The following COG1 variants were observed in gnomAD, a reference collection of about 807,000 sequenced individuals.
COG1 encodes the protein component of oligomeric golgi complex 1.
In COG1, 61 loss-of-function variants were observed where a neutral mutation model predicts 102.2. That is an observed-to-expected ratio of 0.60 (90% CI 0.49 to 0.74). COG1 has a LOEUF of 0.74. Among genes scored for constraint, COG1 ranks in the 30% least tolerant of loss-of-function variants. COG1 has a pLI of 0.00. For synonymous variants in COG1, 454 were observed against 493.6 expected (o/e 0.92, Z 1.06); for missense variants, 1,164 against 1,232.1 (o/e 0.94, Z 0.83).
At chr17:73,200,538 G>A (rs1310319609) in intron 5 of COG1, 28 bp from the exon 6 acceptor site, 8 of 1,589,608 alleles carry the variant, frequency 5.0e-6, no homozygotes, top group Admixed American at 1.7e-5. Flanking sequence ...GCCTCTGATG[G>A]AGCCCAAAGA....
chr17:73,206,682 C>A, intron 11 of COG1, 26 bp from the exon 12 acceptor site: 6 of 1,303,184 alleles, frequency 4.6e-6, no homozygotes, highest in South Asian at 1.2e-5. Context: ...CACAATGAAA[C>A]CTCTGCTCCA....
intron 4 of COG1, 103 bp downstream of exon 4, chr17:73,197,499 A>AG (rs2061330410): frequency 8.0e-7 from 1 of 1,250,988 alleles, no homozygotes; most frequent in Non-Finnish European, 1.1e-6. Flanking sequence ...GGGATGGAGC[A>AG]GTGAACTGGA....
Position 73,201,566 on chromosome 17 carries a change from A to G in COG1, c.1739A>G (p.His580Arg), listed in dbSNP as rs749012833. ...LRTQSVACIK[H>R]IVDCIRAELQ... ...ACTCAGTCCGTGGCATGCATCAAGCACATCGTGGACTGCATCCGGGCAGAG... is the reference window on the plus strand; with the variant it reads ...ACTCAGTCCGTGGCATGCATCAAGCGCATCGTGGACTGCATCCGGGCAGAG... The change falls in exon 7 of 14, where the codon CAC becomes CGC. Residue 580 changes from histidine (H) to arginine (R), a missense_variant. Transcript: ENST00000299886. 6.2e-7 allele frequency: 1 copy of G among 1,614,244 alleles called. No homozygotes were observed.
At chr17:73,202,958 G>A in intron 7 of COG1, 42 bp from the exon 8 acceptor site, 1 of 1,609,036 alleles carries the variant, frequency 6.2e-7, no homozygotes, top group Non-Finnish European at 8.5e-7. Flanking sequence ...ACTCTACAGA[G>A]GATCTGAGTG....
In COG1 at chr17:73,201,514, G is replaced by A; in HGVS notation, c.1687G>A (p.Ala563Thr). The A allele has an allele frequency of 1.2e-6, 2 of 1,614,266 alleles. No individual in the cohort carries two copies. Among genetic ancestry groups the A allele is most frequent in the South Asian group, 1.1e-5 (1 of 91,090 alleles). The change falls in exon 7 of 14, where the codon GCG becomes ACG. Residue 563 changes from alanine (A) to threonine (T), a missense_variant. Ala to Thr is a moderately conservative substitution (Grantham distance 58, BLOSUM62 0). Transcript: ENST00000299886. The part of the protein sequence containing the change: ...KSSAFDRYAD[A>T]GTVQEMLRTQ... Reference sequence around the variant, plus strand: ...TTCTGCCTTTGACAGATACGCAGATGCGGGGACCGTGCAGGAGATGCTGCG... The same window carrying A: ...TTCTGCCTTTGACAGATACGCAGATACGGGGACCGTGCAGGAGATGCTGCG...
At chr17:73,203,523 G>C (rs1271177388) in intron 8 of COG1, 109 bp from the exon 9 acceptor site, 1 of 1,318,246 alleles carries the variant, frequency 7.6e-7, no homozygotes, top group African/African-American at 1.4e-5. Context: ...GTTGCTGAGA[G>C]GGGTCAAAGT....
At chr17:73,204,501 T>G (rs1482752136) in intron 9 of COG1, among the ~76,000 whole-genome samples, 1 of 152,052 alleles carries the variant, frequency 6.6e-6, no homozygotes, top group Non-Finnish European at 1.5e-5. Context: ...CACACTGCTT[T>G]CACTGTCTAG....
rs567138668 is a variant in COG1 at position 73,193,141 on chromosome 17, G to T, written c.72G>T (p.Thr24=). Residue 24 remains threonine (T), a synonymous_variant, in exon 1 of 14, where the codon ACG becomes ACT. Coordinates refer to ENST00000299886, the MANE Select transcript of COG1 (RefSeq NM_018714.3). The part of the protein sequence containing the change: ...DLRDPAALFE[T]HGAEEIRGLE... ...GCGACCCTGCGGCTCTTTTCGAGAC[G>T]CATGGAGCGGAGGAGATCCGCGGGC... The T allele has an allele frequency of 3.7e-6, 6 of 1,610,058 alleles. No individual in the cohort carries two copies. In the African/African-American group the frequency reaches 6.7e-5, roughly 18 times the overall value.
intron 5 of COG1, 77 bp downstream of exon 5, chr17:73,200,098 A>C: frequency 1.3e-6 from 2 of 1,511,092 alleles, no homozygotes. Context: ...TACAAGGGTC[A>C]GCGAGGCATG....
intron 13 of COG1, 76 bp from the exon 14 acceptor site, chr17:73,208,238 T>G: frequency 6.2e-7 from 1 of 1,607,512 alleles, no homozygotes; most frequent in Non-Finnish European, 8.5e-7. Flanking sequence ...GGACTCCGAG[T>G]GGCGTCGCGC....
At chr17:73,207,738 G>A in intron 13 of COG1, 1 of 1,291,748 alleles carries the variant, frequency 7.7e-7, no homozygotes, top group Non-Finnish European at 1.0e-6. Flanking sequence ...GAATCCTCCT[G>A]GGTATTTCTG....
intron 4 of COG1, among the ~76,000 whole-genome samples, chr17:73,199,281 G>C (rs1191755242): frequency 6.6e-6 from 1 of 152,166 alleles, no homozygotes; most frequent in Non-Finnish European, 1.5e-5. Context: ...GAGAGGAAAG[G>C]GAAGCCATTA....
intron 1 of COG1, among the ~76,000 whole-genome samples, chr17:73,194,160 T>TTTTTTTTTTTTTTTGAGAC (rs1401190625): frequency 2.7e-5 from 4 of 147,096 alleles, no homozygotes; most frequent in Non-Finnish European, 6.0e-5. Flanking sequence ...GAATTTTTAT[T>TTTTTTTTTTTTTTTGAGAC]GGCCGGGTGC....
intron 12 of COG1, 167 bp from the exon 13 acceptor site, chr17:73,207,014 A>G: frequency 1.4e-6 from 1 of 708,270 alleles, no homozygotes; most frequent in South Asian, 1.7e-5. Flanking sequence ...AATGGCGTGA[A>G]CCCAGGAGGC....
At position 73,196,500 on chromosome 17, in the gene COG1, C is replaced by T; in HGVS notation, c.316-7C>T. On this transcript the variant is annotated splice_region_variant and splice_polypyrimidine_tract_variant and intron_variant, in intron 1 of 13. Coordinates refer to ENST00000299886, the MANE Select transcript of COG1 (RefSeq NM_018714.3). ...CTTCTGGTTTAGTTCTGTGCCTTCC[C>T]CTGCAGCCACAGCAGCCATCCCAGG... 6.2e-7 allele frequency: 1 copy of T among 1,614,102 alleles called. No homozygotes were observed.
chr17:73,206,867 G>A (rs1175412495), intron 12 of COG1, 50 bp downstream of exon 12: 27 of 1,266,260 alleles, frequency 2.1e-5, no homozygotes, highest in Non-Finnish European at 2.9e-5. Flanking sequence ...GGCCAAGGTG[G>A]ACGGATCACG....
At position 73,201,232 on chromosome 17, in the gene COG1, T is replaced by A. The variant is rs776561960; in HGVS notation, c.1405T>A (p.Tyr469Asn). 6.2e-7 allele frequency: 1 copy of A among 1,614,072 alleles called. No homozygotes were observed. The highest frequency in any genetic ancestry group is 8.5e-7 in the Non-Finnish European group (1 of 1,179,996). Residue 469 changes from tyrosine to asparagine, a missense_variant, in exon 7 of 14, where the codon TAC (tyrosine) becomes AAC (asparagine). Tyr to Asn is a moderately radical substitution (Grantham distance 143). Transcript: ENST00000299886. Reference sequence around the variant, plus strand: ...TTCAAATAAGCACATCCACTTTGAGTACAACATGTCGCTCTTCCTCTGGTC... The same window carrying A: ...TTCAAATAAGCACATCCACTTTGAGAACAACATGTCGCTCTTCCTCTGGTC... ...SPSNKHIHFE[Y>N]NMSLFLWSES...
At chr17:73,204,243 A>C (rs1255549925) in intron 9 of COG1, among the ~76,000 whole-genome samples, 1 of 152,238 alleles carries the variant, frequency 6.6e-6, no homozygotes, top group African/African-American at 2.4e-5. Context: ...TTCCAACCTC[A>C]GTGCTGCCAC....
rs764491848 is a variant in COG1, at chr17:73,203,769, A to G, written c.2358A>G (p.Lys786=). The G allele has an allele frequency of 6.2e-7, 1 of 1,613,968 alleles. No homozygotes were observed. Among genetic ancestry groups the G allele is most frequent in the Admixed American group, 1.7e-5 (1 of 59,982 alleles). ...CMVQVVAAYE[K]LSEEKQIKKE... is the part of the protein sequence containing the mutation. ...TTCAAGTAGTAGCTGCCTATGAGAA[A>G]CTCTCCGAAGAAAAACAGATTAAGG... The change falls in exon 9 of 14, where the codon AAA becomes AAG. Residue 786 remains lysine (K), a synonymous_variant. Transcript: ENST00000299886.
Sources: allele counts gnomAD v4.1 joint callset (sites outside exome capture counted in the v4.1 genomes callset), GRCh38; gene constraint gnomAD v4.1.1; transcripts MANE v1.5; gene names NCBI Gene and HGNC (gene_info 2026-07-23, HGNC 2026-07-21).